TARDBP: variants seen among roughly 807,000 people sequenced by gnomAD.
TARDBP encodes TAR DNA-binding protein 43.
In TARDBP, 4 loss-of-function variants were observed where a neutral mutation model predicts 38.3. The observed-to-expected ratio is 0.10, with a 90% confidence interval of 0.05 to 0.24. The LOEUF (loss-of-function observed/expected upper bound fraction) is 0.24, where lower values mean the gene tolerates loss of function less well. Among genes scored for constraint, TARDBP ranks in the 10% least tolerant of loss-of-function variants. TARDBP has a pLI of 1.00. For missense variants in TARDBP, 202 were observed against 521.9 expected (o/e 0.39, Z 5.97); for synonymous variants, 184 against 183.8 (o/e 1.00, Z -0.01).
downstream of TARDBP, among the ~76,000 whole-genome samples, chr1:11,028,739 A>C (rs1445112715): frequency 7.2e-6 from 1 of 139,006 alleles, no homozygotes; most frequent in Non-Finnish European, 1.5e-5. Flanking sequence ...TTTGAGACAG[A>C]GTCTCGCTCT....
At chr1:11,029,583 GA>G (rs1643806214), downstream of TARDBP, 2 of 144,082 alleles carry the variant, frequency 1.4e-5, no homozygotes, top group South Asian at 4.6e-4. Context: ...TAACTCAACA[GA>G]AGAACTTGTG....
intron 4 of TARDBP, among the ~76,000 whole-genome samples, chr1:11,019,422 A>T (rs1449590737): frequency 6.6e-6 from 1 of 152,222 alleles, no homozygotes; most frequent in Non-Finnish European, 1.5e-5. Context: ...ATGTTTAGAT[A>T]CACAAATACT....
Position 11,022,865 on chromosome 1 carries a change from A to G in TARDBP, c.*211A>G, listed in dbSNP as rs1643668426. 1 of 1,372,166 alleles carries G rather than the reference A, an allele frequency of 7.3e-7. No homozygotes were observed. Among genetic ancestry groups the G allele is most frequent in the Non-Finnish European group, 9.4e-7 (1 of 1,064,514 alleles). The allele number at this position is 1,372,166 out of a possible 1,614,324, so 85.0% of individuals were successfully genotyped here. ...AAGTTTTGTTACATGAAAGGTTGAAATATTGAGTGGTTGAAAGTGAACTGC... is the reference window on the plus strand; with the variant it reads ...AAGTTTTGTTACATGAAAGGTTGAAGTATTGAGTGGTTGAAAGTGAACTGC... On this transcript the variant is annotated 3_prime_UTR_variant, in exon 6 of 6. Coordinates refer to ENST00000240185, the MANE Select transcript of TARDBP (RefSeq NM_007375.4). The surrounding 1 kb of genome is among the most constrained non-coding windows in gnomAD (Gnocchi z 4.5).
intron 1 of TARDBP, among the ~76,000 whole-genome samples, 158 bp downstream of exon 1, chr1:11,012,901 T>G (rs1643436802): frequency 1.3e-5 from 2 of 152,158 alleles, no homozygotes; most frequent in African/African-American, 2.4e-5. Flanking sequence ...GGGAGCGTCG[T>G]TAGGTCCTGG....
At position 11,019,008 on chromosome 1, in the gene TARDBP, G is replaced by C; in HGVS notation, c.543+135G>C. 4 of 1,187,312 alleles carry C rather than the reference G, an allele frequency of 3.4e-6. No individual in the cohort carries two copies. In the South Asian group the frequency reaches 5.0e-5, roughly 15 times the overall value. The allele number at this position is 1,187,312 out of a possible 1,614,324, so 73.5% of individuals were successfully genotyped here. A position where few individuals can be genotyped will look rare whatever the true frequency, so the allele number is the denominator to read the frequency against. ...ATCCTTTTGTCTTGTTGAAGTCTTT[G>C]GCCCTTAGTGCATGCTGAATATTTT... On this transcript the variant is annotated intron_variant, in intron 4 of 5. Transcript: ENST00000240185.
At chr1:11,027,330 T>C (rs776770754), downstream of TARDBP, 7 of 1,613,926 alleles carry the variant, frequency 4.3e-6, no homozygotes, top group African/African-American at 1.3e-5. Flanking sequence ...AACTTTGTTA[T>C]TCAATTTAAT....
At chr1:11,016,735 A>G (rs1643532626) in intron 2 of TARDBP, 109 bp from the exon 3 acceptor site, 1 of 1,178,454 alleles carries the variant, frequency 8.5e-7, no homozygotes, top group Non-Finnish European at 1.2e-6. Context: ...TCAGTGTCTT[A>G]TTCTTCTTAG....
At chr1:11,030,235 TCACA>T, downstream of TARDBP, 3 of 1,613,464 alleles carry the variant, frequency 1.9e-6, no homozygotes, top group Non-Finnish European at 2.5e-6. Flanking sequence ...TCCATCAGCC[TCACA>T]CACATATTTA....
At position 11,024,372 on chromosome 1, in the gene TARDBP, G is replaced by C. The variant is rs150412704; in HGVS notation, c.*1718G>C. 9 of 152,488 alleles carry C rather than the reference G, an allele frequency of 5.9e-5. No homozygotes were observed. In the East Asian group the frequency reaches 1.7e-3, roughly 29 times the overall value. 9.4% of individuals were successfully genotyped at this position (152,488 alleles called of 1,614,324 possible). Reference sequence around the variant, plus strand: ...CCTCCGGCTTTTTCTTAGTGCCTCTGTGCATTTGGGTGATGTTCTATTTAC... The same window carrying C: ...CCTCCGGCTTTTTCTTAGTGCCTCTCTGCATTTGGGTGATGTTCTATTTAC... On this transcript the variant is annotated 3_prime_UTR_variant, in exon 6 of 6. Coordinates refer to ENST00000240185, the MANE Select transcript of TARDBP (RefSeq NM_007375.4).
chr1:11,027,468 GATGCATC>G (rs1450278220), downstream of TARDBP: 1 of 1,613,994 alleles, frequency 6.2e-7, no homozygotes, highest in African/African-American at 1.3e-5. Flanking sequence ...GTCCAGGGCG[GATGCATC>G]ATGTTTTTGC....
intron 3 of TARDBP, among the ~76,000 whole-genome samples, chr1:11,017,768 C>T (rs1470376163): frequency 6.6e-6 from 1 of 152,138 alleles, no homozygotes; most frequent in African/African-American, 2.4e-5. Context: ...CTGTTAAAAT[C>T]CTGTTGTGGT....
At chr1:11,029,105 GCCT>G (rs1274843981), downstream of TARDBP, among the ~76,000 whole-genome samples, 1 of 149,858 alleles carries the variant, frequency 6.7e-6, no homozygotes, top group African/African-American at 2.5e-5. Flanking sequence ...CCATTCTCTT[GCCT>G]CAGCCTCCCG....
downstream of TARDBP, chr1:11,027,555 C>T (rs150524896): frequency 4.8e-5 from 78 of 1,614,140 alleles, no homozygotes; most frequent in East Asian, 8.9e-5. Context: ...TGTGGTTCCA[C>T]CTAATATCAG....
chr1:11,027,103 TAGC>T, downstream of TARDBP: 1 of 1,608,078 alleles, frequency 6.2e-7, no homozygotes, highest in Non-Finnish European at 8.5e-7. Context: ...CAAAGCATGT[TAGC>T]AGTTACACTT....
At chr1:11,018,415 C>G (rs1643572136) in intron 3 of TARDBP, 1 of 384,842 alleles carries the variant, frequency 2.6e-6, no homozygotes, top group African/African-American at 2.1e-5. Flanking sequence ...TCCTGAACTC[C>G]TGTGCTCAAG....
At chr1:11,030,355 A>C (rs1280661822), downstream of TARDBP, 2 of 753,082 alleles carry the variant, frequency 2.7e-6, no homozygotes, top group Non-Finnish European at 4.5e-6. Context: ...CATCAGTGGG[A>C]CATAGAGGTG....
Position 11,025,072 on chromosome 1 carries a change from A to G in TARDBP, c.*2418A>G, listed in dbSNP as rs1295896786. 6.6e-6 allele frequency: 1 copy of G among 152,316 alleles called. No individual in the cohort carries two copies. Among genetic ancestry groups the G allele is most frequent in the African/African-American group, 2.4e-5 (1 of 41,340 alleles). The allele number at this position is 152,316 out of a possible 1,614,324, so 9.4% of individuals were successfully genotyped here. A position where few individuals can be genotyped will look rare whatever the true frequency, so the allele number is the denominator to read the frequency against. ...TTTTTTCTGCATCTGAATCTGCATG[A>G]TTTCCAAACCCTGTACCATCTGAAT... On this transcript the variant is annotated 3_prime_UTR_variant, in exon 6 of 6. Transcript: ENST00000240185.
At chr1:11,029,763 C>A, downstream of TARDBP, 1 of 154,570 alleles carries the variant, frequency 6.5e-6, no homozygotes, top group Non-Finnish European at 1.4e-5. Flanking sequence ...CTCAGCCGCT[C>A]GAGTAGCTGG....
At chr1:11,028,713 T>TGG (rs1557665526), downstream of TARDBP, among the ~76,000 whole-genome samples, 31 of 138,616 alleles carry the variant, frequency 2.2e-4, no homozygotes, top group African/African-American at 7.7e-4. Context: ...TTTCTTTTTT[T>TGG]TTTTTTTTTT....
Sources: allele counts gnomAD v4.1 joint callset (sites outside exome capture counted in the v4.1 genomes callset), GRCh38; gene constraint gnomAD v4.1.1; non-coding constraint Gnocchi (gnomAD v3.1); transcripts MANE v1.5; gene names NCBI Gene and HGNC (gene_info 2026-07-23, HGNC 2026-07-21).